ITPR2: variants seen among roughly 807,000 people sequenced by gnomAD.
ITPR2 encodes inositol 1,4,5-trisphosphate receptor type 2, also known as inositol 1,4,5-trisphosphate-gated calcium channel ITPR2.
ITPR2 carries 207 observed loss-of-function variants against 317.1 expected under a neutral mutation model. The ratio of observed to expected loss-of-function variants is 0.65; its 90% confidence interval spans 0.58 to 0.73. The LOEUF (loss-of-function observed/expected upper bound fraction) is 0.73, where lower values mean the gene tolerates loss of function less well. Ranked by LOEUF, ITPR2 falls within the 30% of genes least tolerant of loss-of-function variation. ITPR2 has a pLI of 0.00. For missense variants in ITPR2, 2,613 were observed against 3,284.0 expected (o/e 0.80, Z 4.99); for synonymous variants, 1,156 against 1,149.1 (o/e 1.01, Z -0.12).
intron 55 of ITPR2, among the ~76,000 whole-genome samples, chr12:26,352,354 C>T (rs1405324541): frequency 6.6e-6 from 1 of 152,220 alleles, no homozygotes; most frequent in Non-Finnish European, 1.5e-5. Flanking sequence ...TCAACAATGG[C>T]ACTCTTCCTC....
rs146811056 is a variant in ITPR2 at position 26,476,483 on chromosome 12, C to T, written c.6219+429G>A. Among the ~76,000 whole-genome samples, 76 of 152,284 alleles carry T rather than the reference C, an allele frequency of 5.0e-4. 2 individuals are homozygous for T. Among genetic ancestry groups the T allele is most frequent in the African/African-American group, 1.7e-3 (71 of 41,554 alleles). On this transcript the variant is annotated intron_variant, in intron 44 of 56. Transcript: ENST00000381340. Reference sequence around the variant, plus strand: ...TTCCTTGAGGCCAAGCATTGTACAACATATCACTGAGAAGAACAGCTACAA... The same window carrying T: ...TTCCTTGAGGCCAAGCATTGTACAATATATCACTGAGAAGAACAGCTACAA...
At chr12:26,750,572 G>T (rs1949396611) in intron 2 of ITPR2, among the ~76,000 whole-genome samples, 1 of 152,140 alleles carries the variant, frequency 6.6e-6, no homozygotes, top group African/African-American at 2.4e-5. Context: ...ACCTGGAAAA[G>T]GTAAAAGAAC....
At chr12:26,425,389 C>T (rs1487959081) in intron 49 of ITPR2, among the ~76,000 whole-genome samples, 1 of 151,956 alleles carries the variant, frequency 6.6e-6, no homozygotes, top group East Asian at 1.9e-4. Flanking sequence ...CTCTGAGCGG[C>T]CAGGCGCAGT....
At chr12:26,447,425 C>T (rs1267120937) in intron 45 of ITPR2, among the ~76,000 whole-genome samples, 3 of 151,776 alleles carry the variant, frequency 2.0e-5, no homozygotes, top group African/African-American at 4.8e-5. Context: ...AGGAAATAAC[C>T]ATTTTTAGTG....
intron 34 of ITPR2, among the ~76,000 whole-genome samples, chr12:26,574,242 A>C (rs1469482319): frequency 6.6e-6 from 1 of 151,632 alleles, no homozygotes; most frequent in Non-Finnish European, 1.5e-5. Context: ...AGCCTATTCT[A>C]ACCTTCAAAA....
intron 35 of ITPR2, among the ~76,000 whole-genome samples, chr12:26,561,456 A>T (rs1397195837): frequency 6.6e-6 from 1 of 152,194 alleles, no homozygotes; most frequent in Non-Finnish European, 1.5e-5. Flanking sequence ...AGTTGAAGCA[A>T]GATTATGAAT....
intron 34 of ITPR2, 76 bp downstream of exon 34, chr12:26,578,637 C>T (rs1945328035): frequency 1.5e-5 from 20 of 1,328,562 alleles, no homozygotes; most frequent in Non-Finnish European, 2.1e-5. Context: ...TGGGAAGCTG[C>T]TTGTGTTGCC....
At chr12:26,386,319 A>G (rs1939662376) in intron 55 of ITPR2, among the ~76,000 whole-genome samples, 1 of 152,234 alleles carries the variant, frequency 6.6e-6, no homozygotes, top group Admixed American at 6.5e-5. Flanking sequence ...ATGCAGAGAA[A>G]ACAACTTAGA....
intron 2 of ITPR2, among the ~76,000 whole-genome samples, chr12:26,735,437 G>A (rs1460006443): frequency 6.6e-6 from 1 of 152,098 alleles, no homozygotes; most frequent in Non-Finnish European, 1.5e-5. Flanking sequence ...GGAAGGAAAA[G>A]AGTAAGGGAA....
intron 26 of ITPR2, among the ~76,000 whole-genome samples, chr12:26,603,901 T>C (rs1000442902): frequency 6.6e-6 from 1 of 152,110 alleles, no homozygotes; most frequent in African/African-American, 2.4e-5. Flanking sequence ...GCCTCCCTTA[T>C]TTACGATCTA....
rs1196749247 is a variant in ITPR2, at chr12:26,337,289, T to C, written c.*2108A>G. On this transcript the variant is annotated 3_prime_UTR_variant, in exon 57 of 57. Coordinates refer to ENST00000381340, the MANE Select transcript of ITPR2 (RefSeq NM_002223.4). ...TCATCTGAAAGACAGGTTGCTCAGA[T>C]GTATACAAATGAATTTATTCTCTTG... 6.6e-6 allele frequency: 1 copy of C among 152,210 alleles called. No individual in the cohort carries two copies. The highest frequency in any genetic ancestry group is 1.5e-5 in the Non-Finnish European group (1 of 68,032). 9.4% of individuals were successfully genotyped at this position (152,210 alleles called of 1,614,324 possible). A position where few individuals can be genotyped will look rare whatever the true frequency, so the allele number is the denominator to read the frequency against.
At chr12:26,809,610 G>A (rs1210349294) in intron 1 of ITPR2, among the ~76,000 whole-genome samples, 1 of 152,014 alleles carries the variant, frequency 6.6e-6, no homozygotes, top group African/African-American at 2.4e-5. Context: ...CTTTTATAAT[G>A]TCAGGTTTTA....
intron 54 of ITPR2, among the ~76,000 whole-genome samples, chr12:26,397,134 C>A (rs1940027156): frequency 6.6e-6 from 1 of 152,024 alleles, no homozygotes; most frequent in Admixed American, 6.6e-5. Context: ...ACTTAAAATT[C>A]TTTAATGGTT....
chr12:26,763,733 AG>A (rs1949675312), intron 2 of ITPR2, among the ~76,000 whole-genome samples: 1 of 152,130 alleles, frequency 6.6e-6, no homozygotes, highest in Admixed American at 6.6e-5. Context: ...TTACTTGCAC[AG>A]CCCTAAAGAA....
At chr12:26,474,589 C>T (rs890488861) in intron 45 of ITPR2, among the ~76,000 whole-genome samples, 14 of 151,790 alleles carry the variant, frequency 9.2e-5, no homozygotes, top group Admixed American at 5.9e-4. Context: ...GTCAGGAGAT[C>T]GAGACCATCC....
intron 26 of ITPR2, among the ~76,000 whole-genome samples, chr12:26,605,370 T>C (rs1318207702): frequency 7.0e-6 from 1 of 142,118 alleles, no homozygotes; most frequent in Non-Finnish European, 1.5e-5. Context: ...GAAGGCTGGA[T>C]TTTTAAAAGG....
At chr12:26,542,636 G>A (rs541933620) in intron 37 of ITPR2, among the ~76,000 whole-genome samples, 3 of 152,150 alleles carry the variant, frequency 2.0e-5, no homozygotes, top group Non-Finnish European at 2.9e-5. Context: ...TTTTAAAACC[G>A]TTGCTTAAAA....
chr12:26,355,141 C>T (rs537849851), intron 55 of ITPR2, among the ~76,000 whole-genome samples: 1 of 152,278 alleles, frequency 6.6e-6, no homozygotes, highest in South Asian at 2.1e-4. Context: ...TTGAGAATGA[C>T]CACTGTAGAT....
chr12:26,582,352 T>C (rs1008253612), intron 32 of ITPR2, among the ~76,000 whole-genome samples: 4 of 152,214 alleles, frequency 2.6e-5, no homozygotes, highest in Non-Finnish European at 4.4e-5. Flanking sequence ...TTACATCATA[T>C]CAAATGATCT....
Sources: gnomAD v4.1 joint callset for allele counts (sites outside exome capture counted in the v4.1 genomes callset) on GRCh38, gnomAD v4.1.1 for gene constraint, MANE v1.5 for transcripts, NCBI Gene and HGNC (gene_info 2026-07-23, HGNC 2026-07-21) for gene names.